The following CIZ1 variants were observed in gnomAD, a reference collection of about 807,000 sequenced individuals.
The protein encoded by CIZ1 is cip1-interacting zinc finger protein.
In CIZ1, 58 loss-of-function variants were observed where a neutral mutation model predicts 118.6. The observed-to-expected ratio is 0.49, with a 90% CI of 0.40 to 0.61. The LOEUF (loss-of-function observed/expected upper bound fraction) is 0.61. Among genes scored for constraint, CIZ1 ranks in the 20% least tolerant of loss-of-function variants. CIZ1 has a pLI of 0.00. For synonymous variants in CIZ1, 448 were observed against 443.4 expected, an observed-to-expected ratio of 1.01 and a Z score of -0.13; for missense variants, 921 against 1,115.9, an observed-to-expected ratio of 0.83 and a Z score of 2.49.
At chr9:128,192,234 G>T (rs951969036), upstream of CIZ1, among the ~76,000 whole-genome samples, 6 of 152,028 alleles carry the variant, frequency 3.9e-5, no homozygotes, top group African/African-American at 1.4e-4. Context: ...AGCCAGGGTG[G>T]TGGCGGGCGT....
Position 128,203,585 on chromosome 9 carries a change from G to T in CIZ1, c.-6+601C>A. 6.4e-7 allele frequency: 1 copy of T among 1,551,836 alleles called. No homozygotes were observed. Among genetic ancestry groups the T allele is most frequent in the Non-Finnish European group, 8.7e-7 (1 of 1,153,096 alleles). ...CCTGCCGCAGATCGCTGTGGTGGGC[G>T]GCCAGAGCGCCGGCAAGAGCTCGGT... On this transcript the variant is annotated intron_variant, in intron 1 of 17. Coordinates refer to the CIZ1 transcript ENST00000372948. This position sits in a 1 kb window ranked among gnomAD's most constrained non-coding sequence, Gnocchi z 5.3.
intron 5 of CIZ1, among the ~76,000 whole-genome samples, chr9:128,184,237 C>T (rs1832060261): frequency 6.6e-6 from 1 of 152,078 alleles, no homozygotes; most frequent in Non-Finnish European, 1.5e-5. Context: ...CTGAAACTGG[C>T]GGGGCTGAAT....
chr9:128,193,165 T>C (rs1833278904), upstream of CIZ1, among the ~76,000 whole-genome samples: 1 of 152,162 alleles, frequency 6.6e-6, no homozygotes, highest in Non-Finnish European at 1.5e-5. Flanking sequence ...GGCGCGAAAG[T>C]GACTCAGCGA....
At chr9:128,188,822 C>A (rs1832770350) in intron 3 of CIZ1, among the ~76,000 whole-genome samples, 1 of 150,742 alleles carries the variant, frequency 6.6e-6, no homozygotes, top group Admixed American at 6.6e-5. Flanking sequence ...TTTTTTGAGA[C>A]AGGGTCTCGC....
chr9:128,169,340 CT>C (rs1245769385), intron 13 of CIZ1, 65 bp downstream of exon 13: 1 of 1,392,398 alleles, frequency 7.2e-7, no homozygotes, highest in African/African-American at 1.5e-5. Context: ...CCTCAACTTG[CT>C]ACACAGCCTT....
upstream of CIZ1, chr9:128,191,784 C>T: frequency 1.4e-6 from 2 of 1,428,364 alleles, no homozygotes; most frequent in Non-Finnish European, 1.8e-6. This position sits in a 1 kb window ranked among gnomAD's most constrained non-coding sequence, Gnocchi z 5.5. Flanking sequence ...GACCAAGGTC[C>T]GTCTGCCGCC....
At chr9:128,179,807 G>A (rs141234679) in intron 7 of CIZ1, among the ~76,000 whole-genome samples, 10,502 of 152,014 alleles carry the variant, frequency 0.069, 761 homozygotes, top group East Asian at 0.43. Context: ...GGAGTAGCTG[G>A]GATTACAGAC....
At chr9:128,192,371 A>AC (rs1240294501), upstream of CIZ1, among the ~76,000 whole-genome samples, 1 of 150,490 alleles carries the variant, frequency 6.6e-6, no homozygotes, top group Non-Finnish European at 1.5e-5. Context: ...GCTGTCAAAA[A>AC]AAAAAAAGTA....
chr9:128,190,772 T>G lies in CIZ1; in HGVS notation c.86A>C (p.Gln29Pro). 6.5e-7 allele frequency: 1 copy of G among 1,541,282 alleles called. No homozygotes were observed. Among genetic ancestry groups the G allele is most frequent in the South Asian group, 1.2e-5 (1 of 83,990 alleles). ...CTGCAGTAACTGCTGCTGCTGCAAT[T>G]GCTGCTGCTGGAGCTGCTGCTGCTG... Reference protein sequence around the residue: ...QLQQQQLQQQQLQQQQLLQLQ... With the variant: ...QLQQQQLQQQPLQQQQLLQLQ... The change falls in exon 2 of 17, where the codon CAA (glutamine) becomes CCA (proline). Residue 29 changes from glutamine to proline, a missense_variant. Gln to Pro is a moderately conservative substitution (Grantham distance 76). Transcript: ENST00000372938.
chr9:128,176,507 G>A (rs543588842), intron 10 of CIZ1, 32 bp from the exon 11 acceptor site: 18 of 1,606,034 alleles, frequency 1.1e-5, no homozygotes, highest in African/African-American at 4.0e-5. Context: ...GATGGGCCTG[G>A]GGCGTGAGCC....
At chr9:128,172,252 G>A (rs1303465124) in intron 11 of CIZ1, among the ~76,000 whole-genome samples, 3 of 152,104 alleles carry the variant, frequency 2.0e-5, no homozygotes, top group Non-Finnish European at 2.9e-5. Flanking sequence ...CAGCACTTTG[G>A]GAGGCCAAGG....
intron 11 of CIZ1, among the ~76,000 whole-genome samples, chr9:128,175,467 C>G (rs1830737566): frequency 6.6e-6 from 1 of 152,072 alleles, no homozygotes; most frequent in Non-Finnish European, 1.5e-5. Context: ...AGCGAGAGCC[C>G]CCTGTCACAC....
At chr9:128,186,229 C>G (rs1832351376) in intron 4 of CIZ1, among the ~76,000 whole-genome samples, 1 of 152,040 alleles carries the variant, frequency 6.6e-6, no homozygotes. Context: ...CTGCCTCAGT[C>G]CCTCGGCCCA....
At chr9:128,173,811 C>T (rs1830477902) in intron 11 of CIZ1, among the ~76,000 whole-genome samples, 1 of 152,062 alleles carries the variant, frequency 6.6e-6, no homozygotes, top group Non-Finnish European at 1.5e-5. Flanking sequence ...TCAAGACCAT[C>T]CTGGCTAACA....
intron 1 of CIZ1, chr9:128,196,783 T>C (rs1833387043): frequency 6.6e-6 from 1 of 152,146 alleles, no homozygotes; most frequent in African/African-American, 2.4e-5. Flanking sequence ...TTTGTATTTT[T>C]AGTAGAGACA....
At chr9:128,192,193 G>A (rs1833219711), upstream of CIZ1, among the ~76,000 whole-genome samples, 1 of 151,902 alleles carries the variant, frequency 6.6e-6, no homozygotes, top group Admixed American at 6.6e-5. Context: ...GCAAAATGGC[G>A]AAATCCCTCT....
chr9:128,195,675 C>G (rs1588280957), upstream of CIZ1, among the ~76,000 whole-genome samples: 1 of 152,278 alleles, frequency 6.6e-6, no homozygotes, highest in East Asian at 1.9e-4. Flanking sequence ...TGGACTCTAT[C>G]TATCCCTTCT....
intron 1 of CIZ1, among the ~76,000 whole-genome samples, chr9:128,199,401 T>C (rs909354686): frequency 6.6e-6 from 1 of 151,302 alleles, no homozygotes; most frequent in African/African-American, 2.4e-5. Flanking sequence ...CAGTTGGTGG[T>C]CAAAACTTTG....
At position 128,166,950 on chromosome 9, in the gene CIZ1, G is replaced by C; in HGVS notation, c.2366-70C>G. On this transcript the variant is annotated intron_variant, in intron 15 of 16. Transcript: ENST00000372938. The surrounding 1 kb of genome is among the most constrained non-coding windows in gnomAD (Gnocchi z 4.4). ...GCGAGGTGTCCCTCCCTCTCTAGGG[G>C]CCCATGTGCTCCCCAACCCTCTAGG... 1 of 1,612,154 alleles carries C rather than the reference G, an allele frequency of 6.2e-7. No homozygotes were observed. The highest frequency in any genetic ancestry group is 8.5e-7 in the Non-Finnish European group (1 of 1,178,746).
Sources: allele counts gnomAD v4.1 joint callset (sites outside exome capture counted in the v4.1 genomes callset), GRCh38; gene constraint gnomAD v4.1.1; non-coding constraint Gnocchi (gnomAD v3.1); transcripts MANE v1.5; gene names NCBI Gene and HGNC (gene_info 2026-07-23, HGNC 2026-07-21).